Variants in DSCAM observed in about 807,000 individuals in gnomAD.
The protein encoded by DSCAM is DS cell adhesion molecule.
Under a neutral mutation model 217.7 loss-of-function variants are expected in DSCAM, and 47 were observed. The ratio of observed to expected loss-of-function variants is 0.22; its 90% CI spans 0.17 to 0.28. DSCAM has a LOEUF of 0.28. Ranked by LOEUF, DSCAM falls within the 10% of genes least tolerant of loss-of-function variation. DSCAM has a pLI of 1.00. For synonymous variants in DSCAM, 1,056 were observed against 1,015.3 expected (o/e 1.04, Z -0.76); for missense variants, 2,080 against 2,618.3 (o/e 0.79, Z 4.49).
intron 3 of DSCAM, among the ~76,000 whole-genome samples, chr21:40,441,359 G>A (rs1454351165): frequency 3.9e-5 from 6 of 152,160 alleles, no homozygotes; most frequent in East Asian, 3.9e-4. Context: ...AGCATAGAGC[G>A]TTGACCATGT....
At chr21:40,447,955 A>G (rs774788690) in intron 3 of DSCAM, among the ~76,000 whole-genome samples, 1 of 152,246 alleles carries the variant, frequency 6.6e-6, no homozygotes, top group Non-Finnish European at 1.5e-5. Flanking sequence ...GATCAATTAG[A>G]TATTTATTTC....
intron 3 of DSCAM, among the ~76,000 whole-genome samples, chr21:40,475,896 C>A (rs1356619186): frequency 6.6e-5 from 10 of 151,830 alleles, no homozygotes; most frequent in Admixed American, 6.6e-4. Context: ...TGAGTAGTTT[C>A]AAGTTTCTTT....
chr21:40,309,012 A>G (rs997259690), intron 9 of DSCAM, among the ~76,000 whole-genome samples: 1 of 152,010 alleles, frequency 6.6e-6, no homozygotes, highest in African/African-American at 2.4e-5. Flanking sequence ...TCCTGTAATA[A>G]TCTCCTCTTT....
chr21:40,115,114 C>T (rs2089952300), intron 20 of DSCAM, among the ~76,000 whole-genome samples: 2 of 152,080 alleles, frequency 1.3e-5, no homozygotes, highest in Non-Finnish European at 2.9e-5. Context: ...CACATGCACA[C>T]GTATGTTTAC....
intron 3 of DSCAM, among the ~76,000 whole-genome samples, chr21:40,663,054 T>C (rs936170319): frequency 5.3e-5 from 4 of 75,936 alleles, no homozygotes; most frequent in African/African-American, 1.3e-4. Flanking sequence ...TGAGTGTGTG[T>C]GTGTGCGCAC....
chr21:40,118,554 T>C (rs1365227742), intron 20 of DSCAM, among the ~76,000 whole-genome samples: 1 of 152,144 alleles, frequency 6.6e-6, no homozygotes, highest in Non-Finnish European at 1.5e-5. Context: ...GCCACTGCAC[T>C]ATAGCCTGGC....
intron 18 of DSCAM, among the ~76,000 whole-genome samples, chr21:40,139,189 T>C (rs1297883330): frequency 3.3e-5 from 5 of 151,712 alleles, no homozygotes; most frequent in Admixed American, 6.6e-5. Flanking sequence ...ATGTGGACCC[T>C]GAAAACCTGA....
At chr21:40,549,285 A>C (rs2076610647) in intron 3 of DSCAM, among the ~76,000 whole-genome samples, 1 of 152,226 alleles carries the variant, frequency 6.6e-6, no homozygotes, top group South Asian at 2.1e-4. Context: ...AACATAAACA[A>C]GCTTGGCAGA....
At chr21:40,126,975 T>TA (rs1195468507) in intron 19 of DSCAM, among the ~76,000 whole-genome samples, 1 of 152,214 alleles carries the variant, frequency 6.6e-6, no homozygotes, top group African/African-American at 2.4e-5. Flanking sequence ...TCATAAAGCT[T>TA]AAAGGTGTGG....
chr21:40,296,229 G>T, intron 9 of DSCAM, 55 bp from the exon 10 acceptor site: 1 of 1,580,692 alleles, frequency 6.3e-7, no homozygotes, highest in Non-Finnish European at 8.6e-7. Context: ...ACTGAGTAAA[G>T]GTATGATTCT....
intron 20 of DSCAM, among the ~76,000 whole-genome samples, chr21:40,103,539 T>C (rs1178108360): frequency 6.6e-6 from 1 of 152,064 alleles, no homozygotes; most frequent in South Asian, 2.1e-4. Context: ...ATTTCACAGT[T>C]CCCATCTATA....
chr21:40,732,971 G>A (rs931004116), intron 1 of DSCAM, among the ~76,000 whole-genome samples: 3 of 152,180 alleles, frequency 2.0e-5, no homozygotes, highest in African/African-American at 7.2e-5. Context: ...CAATTACAGC[G>A]ACAGTTAAAG....
chr21:40,324,362 G>C lies in DSCAM; in HGVS notation c.1784-12003C>G, dbSNP rs145247124. ...AAAAAATAAACTACTTGAAATTTGG[G>C]GGCGTAAAAGAGTAAAACAAACTCT... On this transcript the variant is annotated intron_variant, in intron 8 of 32. Transcript: ENST00000400454. 4.6e-3 allele frequency among the ~76,000 whole-genome samples: 707 copies of C among 152,098 alleles called. 1 individual carries two copies. Among genetic ancestry groups the C allele is most frequent in the Non-Finnish European group, 8.2e-3 (560 of 67,980 alleles).
chr21:40,130,154 G>A (rs1601361074), intron 19 of DSCAM, among the ~76,000 whole-genome samples: 1 of 152,186 alleles, frequency 6.6e-6, no homozygotes, highest in East Asian at 1.9e-4. Flanking sequence ...ACTAGCTTTT[G>A]CCTTCAGAGT....
At chr21:40,098,480 A>G (rs2089710714) in intron 20 of DSCAM, among the ~76,000 whole-genome samples, 1 of 152,216 alleles carries the variant, frequency 6.6e-6, no homozygotes, top group South Asian at 2.1e-4. Context: ...ACTGCAGAAC[A>G]ATGGCTCCAG....
chr21:40,413,452 A>G (rs1296669347), intron 3 of DSCAM, among the ~76,000 whole-genome samples: 1 of 152,212 alleles, frequency 6.6e-6, no homozygotes, highest in African/African-American at 2.4e-5. Context: ...CAAGACATGG[A>G]GTCAAAGGAG....
intron 11 of DSCAM, among the ~76,000 whole-genome samples, chr21:40,270,325 A>G (rs189372830): frequency 1.3e-5 from 2 of 152,060 alleles, no homozygotes; most frequent in East Asian, 3.9e-4. Context: ...TCTGCGGGAG[A>G]CTCCTTCCTT....
chr21:40,112,576 C>T (rs527264562), intron 20 of DSCAM, among the ~76,000 whole-genome samples: 8 of 152,148 alleles, frequency 5.3e-5, no homozygotes, highest in Admixed American at 2.6e-4. Context: ...CAGAGCAGAA[C>T]TGAATGAAAT....
At chr21:40,814,297 T>C (rs28609314) in intron 1 of DSCAM, among the ~76,000 whole-genome samples, 7,282 of 152,310 alleles carry the variant, frequency 0.048, 248 homozygotes, top group Middle Eastern at 0.078. Context: ...TTTGTAACTC[T>C]TTTAGTGACA....
Sources: allele counts gnomAD v4.1 joint callset (sites outside exome capture counted in the v4.1 genomes callset), GRCh38; gene constraint gnomAD v4.1.1; transcripts MANE v1.5; gene names NCBI Gene and HGNC (gene_info 2026-07-23, HGNC 2026-07-21).